The following UNC13B variants were observed in gnomAD, a reference collection of about 807,000 sequenced individuals.
UNC13B encodes the protein unc-13 homolog B, also known as protein unc-13 homolog B.
In UNC13B, 144 loss-of-function variants were observed where a neutral mutation model predicts 211.0. The ratio of observed to expected loss-of-function variants is 0.68; its 90% CI spans 0.60 to 0.78. The LOEUF (loss-of-function observed/expected upper bound fraction) is 0.78, where lower values mean the gene tolerates loss of function less well. UNC13B is among the 30% of genes least tolerant of loss of function. The probability of loss-of-function intolerance (pLI) is 0.00; values close to 1 mark genes in which losing one functional copy is unlikely to be tolerated. For synonymous variants in UNC13B, 709 were observed against 725.8 expected (o/e 0.98, Z 0.37); for missense variants, 1,777 against 2,002.0 (o/e 0.89, Z 2.14).
chr9:35,223,026 G>T (rs745740039), intron 1 of UNC13B, among the ~76,000 whole-genome samples: 23 of 152,106 alleles, frequency 1.5e-4, no homozygotes, highest in Non-Finnish European at 2.8e-4. Context: ...AAATGACAGG[G>T]TTTCATTCTT....
chr9:35,247,586 A>G (rs74797002), intron 6 of UNC13B, among the ~76,000 whole-genome samples: 66,600 of 151,850 alleles, frequency 0.44, 14,955 homozygotes, highest in South Asian at 0.55. Context: ...TTTGTCAAAG[A>G]CCTTTTCTGC....
chr9:35,263,894 C>G (rs909219594), intron 7 of UNC13B, among the ~76,000 whole-genome samples: 1 of 152,140 alleles, frequency 6.6e-6, no homozygotes, highest in African/African-American at 2.4e-5. Context: ...AATCAGCTAG[C>G]CAGCCCCTTG....
intron 11 of UNC13B, among the ~76,000 whole-genome samples, chr9:35,366,416 A>C (rs754970969): frequency 1.2e-4 from 19 of 152,160 alleles, no homozygotes; most frequent in Non-Finnish European, 2.6e-4. Context: ...GAATTTATTA[A>C]ATAGAGAGAA....
chr9:35,280,855 C>T (rs1428540600), intron 7 of UNC13B, among the ~76,000 whole-genome samples: 1 of 152,094 alleles, frequency 6.6e-6, no homozygotes, highest in Non-Finnish European at 1.5e-5. Context: ...CACAATTAAC[C>T]ATGTTAAAAA....
intron 11 of UNC13B, chr9:35,364,695 T>G (rs1833664479): frequency 8.9e-7 from 1 of 1,128,506 alleles, no homozygotes. Flanking sequence ...GATCTGTGCC[T>G]CTGAGCTTTG....
intron 6 of UNC13B, among the ~76,000 whole-genome samples, chr9:35,248,346 T>C (rs1373862891): frequency 6.6e-6 from 1 of 152,216 alleles, no homozygotes; most frequent in African/African-American, 2.4e-5. Flanking sequence ...TTTTTGTGTC[T>C]CTATGTCCTT....
intron 11 of UNC13B, among the ~76,000 whole-genome samples, chr9:35,336,893 G>C (rs115511191): frequency 6.6e-6 from 1 of 152,146 alleles, no homozygotes; most frequent in Admixed American, 6.5e-5. Context: ...ACTTGAAAAG[G>C]TTCCTACCTT....
At position 35,304,471 on chromosome 9, in the gene UNC13B, T is replaced by C. The variant is rs1829834172; in HGVS notation, c.5067T>C (p.His1689=). The C allele has an allele frequency of 2.5e-6, 1 of 398,554 alleles. No homozygotes were observed. Among genetic ancestry groups the C allele is most frequent in the African/African-American group, 2.1e-5 (1 of 48,578 alleles). 24.7% of individuals were successfully genotyped at this position (398,554 alleles called of 1,614,324 possible). The change falls in exon 9 of 40, where the codon CAT becomes CAC. Residue 1689 remains histidine (H), a synonymous_variant. Coordinates refer to ENST00000635942, the MANE Select transcript of UNC13B (RefSeq NM_001371189.2). The part of the protein sequence containing the change: ...LRNQPQTISN[H]VSSRDQIIER... ...ATCAGCCCCAAACTATTAGTAATCATGTCTCAAGCAGAGATCAAATTATAG... is the reference window on the plus strand; with the variant it reads ...ATCAGCCCCAAACTATTAGTAATCACGTCTCAAGCAGAGATCAAATTATAG...
intron 1 of UNC13B, among the ~76,000 whole-genome samples, chr9:35,219,823 C>T (rs1824472635): frequency 6.6e-6 from 1 of 152,028 alleles, no homozygotes; most frequent in Non-Finnish European, 1.5e-5. Context: ...CTCTCTTTCC[C>T]AAGCTGTAGT....
intron 1 of UNC13B, among the ~76,000 whole-genome samples, chr9:35,189,549 AT>A (rs1188286110): frequency 1.3e-5 from 2 of 152,216 alleles, no homozygotes; most frequent in Non-Finnish European, 2.9e-5. Context: ...ACTAAAAAAT[AT>A]TTAAGTGCTT....
chr9:35,215,164 G>A (rs1376539923), intron 1 of UNC13B, among the ~76,000 whole-genome samples: 1 of 152,160 alleles, frequency 6.6e-6, no homozygotes, highest in Non-Finnish European at 1.5e-5. Context: ...CCAACACTTT[G>A]GAAGGCTGGG....
intron 11 of UNC13B, among the ~76,000 whole-genome samples, chr9:35,317,972 G>C (rs1830551602): frequency 1.3e-5 from 2 of 152,114 alleles, no homozygotes; most frequent in Non-Finnish European, 2.9e-5. Flanking sequence ...CCTTATCCAT[G>C]TAAAAGGAAA....
chr9:35,252,161 A>G (rs773115204), intron 6 of UNC13B, among the ~76,000 whole-genome samples: 4 of 152,168 alleles, frequency 2.6e-5, no homozygotes, highest in Non-Finnish European at 4.4e-5. Flanking sequence ...AGATTAGGTT[A>G]TAGTTCATTT....
chr9:35,169,390 C>T (rs951785936), intron 1 of UNC13B, among the ~76,000 whole-genome samples: 1 of 152,080 alleles, frequency 6.6e-6, no homozygotes, highest in East Asian at 1.9e-4. Context: ...TAACTAGACA[C>T]GTTGATTGTG....
At chr9:35,399,087 CG>C in intron 33 of UNC13B, 53 bp downstream of exon 33, 1 of 1,613,594 alleles carries the variant, frequency 6.2e-7, no homozygotes, top group Non-Finnish European at 8.5e-7. Context: ...CAGATGCTAT[CG>C]GGCAAGGGAG....
rs577429534 is a variant in UNC13B at position 35,203,968 on chromosome 9, C to T, written c.23-24047C>T. Reference sequence around the variant, plus strand: ...AACTTTGTGGCAGCCTCTCCCATCACAGGCCCAGAGGCCTAGGAAGGAAGA... The same window carrying T: ...AACTTTGTGGCAGCCTCTCCCATCATAGGCCCAGAGGCCTAGGAAGGAAGA... On this transcript the variant is annotated intron_variant, in intron 1 of 39. Coordinates refer to ENST00000635942, the MANE Select transcript of UNC13B (RefSeq NM_001371189.2). Among the ~76,000 whole-genome samples the T allele has an allele frequency of 3.9e-5, 6 of 152,378 alleles. No individual in the cohort carries two copies. The East Asian group carries it at 1.2e-3, about 29-fold the overall frequency.
intron 11 of UNC13B, among the ~76,000 whole-genome samples, chr9:35,340,612 G>A (rs1204306141): frequency 2.0e-5 from 3 of 152,168 alleles, no homozygotes; most frequent in Non-Finnish European, 1.5e-5. Context: ...AAGTCACAAG[G>A]TTTGAGAGCC....
At position 35,399,394 on chromosome 9, in the gene UNC13B, C is replaced by A; in HGVS notation, c.12201C>A (p.Gly4067=). ...IVLPPLTDQT[G]TQLIFTAAKE... is the part of the protein sequence containing the mutation. ...TGACTGATTCCCTCTCTGCCCAGGG[C>A]ACCCAGCTGATCTTCACTGCTGCCA... The change falls in exon 35 of 40, where the codon GGC becomes GGA. Residue 4067 remains glycine (G), a splice_region_variant and synonymous_variant. Coordinates refer to ENST00000635942, the MANE Select transcript of UNC13B (RefSeq NM_001371189.2). The A allele has an allele frequency of 6.2e-7, 1 of 1,614,104 alleles. No homozygotes were observed. Among genetic ancestry groups the A allele is most frequent in the South Asian group, 1.1e-5 (1 of 91,082 alleles).
chr9:35,197,061 G>T (rs1321102803), intron 1 of UNC13B, among the ~76,000 whole-genome samples: 1 of 152,084 alleles, frequency 6.6e-6, no homozygotes, highest in African/African-American at 2.4e-5. Flanking sequence ...TTGACCTACT[G>T]AACCTGGCCT....
Sources: allele counts gnomAD v4.1 joint callset (sites outside exome capture counted in the v4.1 genomes callset), GRCh38; gene constraint gnomAD v4.1.1; transcripts MANE v1.5; gene names NCBI Gene and HGNC (gene_info 2026-07-23, HGNC 2026-07-21).